Variants in RGS7 observed in about 807,000 individuals in gnomAD.
The protein encoded by RGS7 is regulator of G-protein signaling 7.
In RGS7, 27 loss-of-function variants were observed where a neutral mutation model predicts 81.1. The ratio of observed to expected loss-of-function variants is 0.33; its 90% CI spans 0.25 to 0.46. RGS7 has a LOEUF of 0.46. Ranked by LOEUF, RGS7 falls within the 20% of genes least tolerant of loss-of-function variation. RGS7 has a pLI of 1.00. For synonymous variants in RGS7, 208 were observed against 207.7 expected, an observed-to-expected ratio of 1.00 and a Z score of -0.01; for missense variants, 396 against 607.4, an observed-to-expected ratio of 0.65 and a Z score of 3.66.
chr1:241,205,402 A>G, intron 2 of RGS7, among the ~76,000 whole-genome samples: 1 of 150,934 alleles, frequency 6.6e-6, no homozygotes, highest in East Asian at 2.0e-4. Flanking sequence ...ATTTTTTAAC[A>G]TCTTTCTTAT....
At chr1:240,861,723 T>C (rs1662227451) in intron 9 of RGS7, among the ~76,000 whole-genome samples, 1 of 152,138 alleles carries the variant, frequency 6.6e-6, no homozygotes, top group Non-Finnish European at 1.5e-5. Context: ...CTAATCTTAT[T>C]AATAATTTCA....
intron 5 of RGS7, among the ~76,000 whole-genome samples, chr1:240,934,347 T>C (rs1676229620): frequency 6.6e-6 from 1 of 152,218 alleles, no homozygotes; most frequent in African/African-American, 2.4e-5. Context: ...AATTTATGAT[T>C]TTAAAATATC....
At chr1:241,100,608 TTAAA>T (rs2064663227) in intron 2 of RGS7, among the ~76,000 whole-genome samples, 1 of 152,146 alleles carries the variant, frequency 6.6e-6, no homozygotes, top group Non-Finnish European at 1.5e-5. Flanking sequence ...TTTGAGTAAG[TTAAA>T]TAACCTCTCT....
chr1:241,077,284 G>C (rs981725315), intron 3 of RGS7, among the ~76,000 whole-genome samples: 1 of 152,168 alleles, frequency 6.6e-6, no homozygotes, highest in African/African-American at 2.4e-5. Flanking sequence ...AAGCTGGGCT[G>C]TCATGAAAAT....
chr1:241,257,379 TG>T (rs934525156), intron 2 of RGS7, among the ~76,000 whole-genome samples: 74 of 152,330 alleles, frequency 4.9e-4, no homozygotes, highest in African/African-American at 1.7e-3. Flanking sequence ...ATTATCATAT[TG>T]GGGATCAAGT....
Position 240,873,156 on chromosome 1 carries a change from T to C in RGS7, c.386-3037A>G, listed in dbSNP as rs557949806. 5.3e-5 allele frequency among the ~76,000 whole-genome samples: 8 copies of C among 152,206 alleles called. No individual in the cohort carries two copies. In the South Asian group the frequency reaches 1.7e-3, roughly 32 times the overall value. On this transcript the variant is annotated intron_variant, in intron 6 of 18. Transcript: ENST00000440928. Reference sequence around the variant, plus strand: ...TGCTTTTGTGCCAATCCTAATTATTTTGGCACTGAACATGCTCTATATGGT... The same window carrying C: ...TGCTTTTGTGCCAATCCTAATTATTCTGGCACTGAACATGCTCTATATGGT...
chr1:240,785,014 T>A (rs1294232262), intron 18 of RGS7, among the ~76,000 whole-genome samples: 1 of 152,128 alleles, frequency 6.6e-6, no homozygotes, highest in Non-Finnish European at 1.5e-5. Flanking sequence ...TGTTATCTGT[T>A]TATTATTTTA....
intron 3 of RGS7, among the ~76,000 whole-genome samples, chr1:241,076,679 T>C (rs2062823036): frequency 6.6e-6 from 1 of 152,230 alleles, no homozygotes; most frequent in Non-Finnish European, 1.5e-5. Context: ...GTATAGTTTC[T>C]GTTTAAAGGA....
intron 4 of RGS7, among the ~76,000 whole-genome samples, chr1:240,969,713 G>C (rs1682893569): frequency 6.6e-6 from 1 of 152,202 alleles, no homozygotes; most frequent in Non-Finnish European, 1.5e-5. Flanking sequence ...ACCAAAAATG[G>C]AATTAGGACA....
At chr1:241,306,114 C>T (rs1467882023) in intron 2 of RGS7, among the ~76,000 whole-genome samples, 5 of 130,734 alleles carry the variant, frequency 3.8e-5, no homozygotes, top group African/African-American at 1.4e-4. Context: ...TATATTCTTT[C>T]TCTCATCTCT....
intron 3 of RGS7, among the ~76,000 whole-genome samples, chr1:241,077,572 G>T (rs769650524): frequency 6.6e-6 from 1 of 152,126 alleles, no homozygotes; most frequent in Non-Finnish European, 1.5e-5. Flanking sequence ...GTGGCTCAGG[G>T]ACTGGGCCTC....
chr1:240,785,476 G>C (rs1311032865), intron 18 of RGS7, among the ~76,000 whole-genome samples: 4 of 152,202 alleles, frequency 2.6e-5, no homozygotes, highest in African/African-American at 9.6e-5. Context: ...CATCTGGCCT[G>C]ATGAAGTGAT....
At chr1:241,269,716 T>G (rs910279575) in intron 2 of RGS7, among the ~76,000 whole-genome samples, 4 of 152,214 alleles carry the variant, frequency 2.6e-5, no homozygotes, top group African/African-American at 9.6e-5. Flanking sequence ...TGCTACTCTT[T>G]GAACCATAAA....
intron 2 of RGS7, among the ~76,000 whole-genome samples, chr1:241,234,725 C>G (rs1285351250): frequency 1.3e-5 from 2 of 152,174 alleles, no homozygotes; most frequent in African/African-American, 4.8e-5. Flanking sequence ...TCTCTCTTAA[C>G]TGTTGCCAGA....
chr1:240,842,199 A>ATTTTGTTTTTTTTTTTTTTTT (rs1658154013), intron 9 of RGS7, among the ~76,000 whole-genome samples: 1 of 78,676 alleles, frequency 1.3e-5, no homozygotes, highest in African/African-American at 4.7e-5. Flanking sequence ...TTTGTCAGGA[A>ATTTTGTTTTTTTTTTTTTTTT]TTTTTTTTTT....
intron 2 of RGS7, among the ~76,000 whole-genome samples, chr1:241,114,962 G>A (rs1202831230): frequency 1.3e-5 from 2 of 152,098 alleles, no homozygotes; most frequent in Non-Finnish European, 2.9e-5. Flanking sequence ...CTCACACAAG[G>A]ACTTTACTTG....
intron 4 of RGS7, among the ~76,000 whole-genome samples, chr1:240,977,050 A>G (rs573348835): frequency 6.7e-6 from 1 of 150,230 alleles, no homozygotes; most frequent in South Asian, 2.1e-4. Context: ...TCATTTATCT[A>G]TTTATATCTA....
chr1:240,965,708 T>G (rs1014697359), intron 4 of RGS7, among the ~76,000 whole-genome samples: 45 of 152,098 alleles, frequency 3.0e-4, no homozygotes, highest in African/African-American at 1.1e-3. Flanking sequence ...ACAGCAGGGG[T>G]GTGATGACAT....
At chr1:241,131,123 T>G (rs2067059099) in intron 2 of RGS7, among the ~76,000 whole-genome samples, 1 of 152,148 alleles carries the variant, frequency 6.6e-6, no homozygotes, top group South Asian at 2.1e-4. Flanking sequence ...TGTGTTTTTC[T>G]CCATTAGACT....
Sources: allele counts gnomAD v4.1 joint callset (sites outside exome capture counted in the v4.1 genomes callset), GRCh38; gene constraint gnomAD v4.1.1; transcripts MANE v1.5; gene names NCBI Gene and HGNC (gene_info 2026-07-23, HGNC 2026-07-21).